The following CCDC146 variants were observed in gnomAD, a reference collection of about 807,000 sequenced individuals.
CCDC146 encodes the protein coiled-coil domain-containing protein 146.
Under a neutral mutation model 119.3 loss-of-function variants are expected in CCDC146, and 92 were observed. That is an observed-to-expected ratio of 0.77 (90% CI 0.65 to 0.92). CCDC146 has a LOEUF of 0.92. Ranked by LOEUF, CCDC146 falls within the 40% of genes least tolerant of loss-of-function variation. CCDC146 has a pLI of 0.00. For missense variants in CCDC146, 1,000 were observed against 1,103.0 expected (o/e 0.91, Z 1.32); for synonymous variants, 372 against 371.8 (o/e 1.00, Z -0.01).
intron 6 of CCDC146, 122 bp from the exon 7 acceptor site, chr7:77,258,873 C>A: frequency 1.5e-6 from 1 of 663,034 alleles, no homozygotes; most frequent in Non-Finnish European, 2.7e-6. Context: ...AATTAAAGCA[C>A]ACAGGGCAGA....
At chr7:77,291,725 CAAAA>C (rs1465585166) in intron 17 of CCDC146, among the ~76,000 whole-genome samples, 1 of 152,090 alleles carries the variant, frequency 6.6e-6, no homozygotes, top group Non-Finnish European at 1.5e-5. Flanking sequence ...ACGAACAAAA[CAAAA>C]CACTCCAGGA....
chr7:77,129,783 C>T (rs1221566466), intron 1 of CCDC146, among the ~76,000 whole-genome samples: 3 of 152,064 alleles, frequency 2.0e-5, no homozygotes, highest in Admixed American at 6.5e-5. Flanking sequence ...TATTGATATT[C>T]TCTGATGAAT....
intron 1 of CCDC146, among the ~76,000 whole-genome samples, chr7:77,144,722 T>C (rs1295155417): frequency 1.3e-5 from 2 of 151,872 alleles, no homozygotes; most frequent in Non-Finnish European, 2.9e-5. Flanking sequence ...ATTACATTTA[T>C]TGATTTGCAT....
intron 15 of CCDC146, 61 bp downstream of exon 15, chr7:77,282,846 T>G: frequency 8.4e-7 from 1 of 1,183,930 alleles, no homozygotes; most frequent in Non-Finnish European, 1.2e-6. Context: ...CTTTATTAGT[T>G]TGTGGGTGAG....
At chr7:77,239,274 A>T (rs951699204) in intron 3 of CCDC146, among the ~76,000 whole-genome samples, 2 of 152,336 alleles carry the variant, frequency 1.3e-5, no homozygotes, top group Middle Eastern at 3.4e-3. Flanking sequence ...TATTAAGGAG[A>T]CCAGATAACT....
chr7:77,265,723 A>G (rs902321132), intron 9 of CCDC146, among the ~76,000 whole-genome samples: 1 of 152,258 alleles, frequency 6.6e-6, no homozygotes, highest in African/African-American at 2.4e-5. Flanking sequence ...ACCAGCCAGA[A>G]AGAAATCAAT....
At chr7:77,232,080 G>A (rs1792642019) in intron 2 of CCDC146, among the ~76,000 whole-genome samples, 1 of 152,114 alleles carries the variant, frequency 6.6e-6, no homozygotes, top group Admixed American at 6.5e-5. Context: ...CCCGCAGTAG[G>A]CAGCCTCTAA....
At position 77,236,991 on chromosome 7, in the gene CCDC146, A is replaced by G. The variant is rs1584099667; in HGVS notation, c.201A>G (p.Leu67=). The part of the protein sequence containing the change: ...GKLPGTRMAA[L]KAKYTLLHDA... ...TTCCTGGAACCAGAATGGCAGCGTT[A>G]AAAGCCAAGTATACCTTGCTGCATG... Residue 67 remains leucine, a synonymous_variant, in exon 3 of 19, where the codon TTA becomes TTG. Coordinates refer to ENST00000285871, the MANE Select transcript of CCDC146 (RefSeq NM_020879.3). 19 of 1,614,190 alleles carry G rather than the reference A, an allele frequency of 1.2e-5. No individual in the cohort carries two copies. The highest frequency in any genetic ancestry group is 1.5e-5 in the Non-Finnish European group (18 of 1,179,986).
At chr7:77,147,411 G>A (rs965258765) in intron 1 of CCDC146, among the ~76,000 whole-genome samples, 17 of 152,256 alleles carry the variant, frequency 1.1e-4, no homozygotes, top group Admixed American at 7.2e-4. Flanking sequence ...CTCTCAACTC[G>A]TCAAAGTCAT....
chr7:77,260,346 A>T, intron 8 of CCDC146, 110 bp downstream of exon 8: 2 of 738,160 alleles, frequency 2.7e-6, no homozygotes, highest in Non-Finnish European at 4.3e-6. Context: ...TTTAAAAATA[A>T]TTTTAAATCA....
rs965337090 is a variant in CCDC146, at chr7:77,203,037, C to G, written c.157-33910C>G. Among the ~76,000 whole-genome samples, 103 of 144,054 alleles carry G rather than the reference C, an allele frequency of 7.2e-4. 2 individuals carry two copies. The East Asian group carries it at 0.015, about 22-fold the overall frequency. 94.5% of individuals were successfully genotyped at this position (144,054 alleles called of 152,430 possible). On this transcript the variant is annotated intron_variant, in intron 2 of 18. Coordinates refer to ENST00000285871, the MANE Select transcript of CCDC146 (RefSeq NM_020879.3). Reference sequence around the variant, plus strand: ...CAAGGAAAATAAAATACTTGCCCCCCCCCCCCCCAGGACTATTTTAGGAAT... The same window carrying G: ...CAAGGAAAATAAAATACTTGCCCCCGCCCCCCCCAGGACTATTTTAGGAAT...
At chr7:77,202,446 C>T (rs1047852869) in intron 2 of CCDC146, among the ~76,000 whole-genome samples, 1 of 152,164 alleles carries the variant, frequency 6.6e-6, no homozygotes, top group African/African-American at 2.4e-5. Flanking sequence ...CTGGTCACAC[C>T]CCAGTTAACC....
chr7:77,245,627 G>A (rs1792935137), intron 4 of CCDC146, among the ~76,000 whole-genome samples: 1 of 152,170 alleles, frequency 6.6e-6, no homozygotes, highest in African/African-American at 2.4e-5. Flanking sequence ...CTACTCTCCC[G>A]TGGCTGGTTC....
intron 3 of CCDC146, 48 bp from the exon 4 acceptor site, chr7:77,241,643 G>A (rs1264752571): frequency 1.3e-6 from 2 of 1,544,990 alleles, no homozygotes; most frequent in Non-Finnish European, 1.8e-6. Context: ...GAGCCACCGA[G>A]GATGTACATG....
chr7:77,288,543 G>A (rs17151081), intron 17 of CCDC146, among the ~76,000 whole-genome samples: 19,514 of 152,190 alleles, frequency 0.13, 1,414 homozygotes, highest in South Asian at 0.18. Flanking sequence ...CCATTCATGC[G>A]AGGCCTTTCA....
At chr7:77,292,931 C>T (rs1407209347) in intron 17 of CCDC146, 21 bp from the exon 18 acceptor site, 1 of 1,610,714 alleles carries the variant, frequency 6.2e-7, no homozygotes, top group South Asian at 1.1e-5. Context: ...ATAGACTAAG[C>T]TTTGGGCTCT....
rs548379042 is a variant in CCDC146 at position 77,238,739 on chromosome 7, C to A, written c.239+1710C>A. On this transcript the variant is annotated intron_variant, in intron 3 of 18. Transcript: ENST00000285871. Reference sequence around the variant, plus strand: ...GCCTGGATAGCTCTTATCTAGAGCCCAGTGGAGATTTGCAGGGTGCTTTGA... The same window carrying A: ...GCCTGGATAGCTCTTATCTAGAGCCAAGTGGAGATTTGCAGGGTGCTTTGA... 4.6e-4 allele frequency among the ~76,000 whole-genome samples: 70 copies of A among 152,214 alleles called. No individual in the cohort carries two copies. In the South Asian group the frequency reaches 0.014, roughly 31 times the overall value.
chr7:77,158,183 T>A (rs1791204812), intron 1 of CCDC146, among the ~76,000 whole-genome samples: 1 of 152,144 alleles, frequency 6.6e-6, no homozygotes, highest in Non-Finnish European at 1.5e-5. Flanking sequence ...AGAGAACTAG[T>A]TCTTTCCCTG....
At chr7:77,275,141 A>G (rs1793609225) in intron 11 of CCDC146, among the ~76,000 whole-genome samples, 2 of 152,166 alleles carry the variant, frequency 1.3e-5, no homozygotes, top group South Asian at 4.1e-4. Context: ...CCATTTATAC[A>G]CAGATTTTTT....
Sources: allele counts gnomAD v4.1 joint callset (sites outside exome capture counted in the v4.1 genomes callset), GRCh38; gene constraint gnomAD v4.1.1; transcripts MANE v1.5; gene names NCBI Gene and HGNC (gene_info 2026-07-23, HGNC 2026-07-21).